NKAIN3: variants seen among roughly 807,000 people sequenced by gnomAD.
NKAIN3 encodes the protein sodium/potassium transporting ATPase interacting 3, also known as sodium/potassium-transporting ATPase subunit beta-1-interacting protein 3.
NKAIN3 carries 25 observed loss-of-function variants against 30.2 expected under a neutral mutation model. The ratio of observed to expected loss-of-function variants is 0.83; its 90% CI spans 0.60 to 1.16. The LOEUF is 1.16. Among genes scored for constraint, NKAIN3 ranks in the 50% most tolerant of loss-of-function variants. The pLI, the probability that NKAIN3 is intolerant of heterozygous loss-of-function variation, is 0.00. For synonymous variants in NKAIN3, 91 were observed against 89.6 expected (o/e 1.02, Z -0.09); for missense variants, 225 against 254.1 (o/e 0.89, Z 0.78).
chr8:62,305,660 C>G (rs1814209385), intron 1 of NKAIN3, among the ~76,000 whole-genome samples: 1 of 150,508 alleles, frequency 6.6e-6, no homozygotes. Flanking sequence ...CTTTGGAGGT[C>G]TAAACACCAT....
At position 62,952,690 on chromosome 8, in the gene NKAIN3, CA is replaced by C. The variant is rs1296228005; in HGVS notation, c.533-1205del. On this transcript the variant is annotated intron_variant, in intron 5 of 6. Coordinates refer to ENST00000623646, the MANE Select transcript of NKAIN3 (RefSeq NM_001304533.3). ...ATTATTCAACAAACCAAAGCACCTC[CA>C]AAAAAACTTTCAAAACTCTTCATAA... Among the ~76,000 whole-genome samples the C allele has an allele frequency of 7.9e-5, 12 of 152,158 alleles. No homozygotes were observed. The South Asian group carries it at 1.0e-3, about 13-fold the overall frequency.
At chr8:62,890,491 T>C (rs1821269061) in intron 4 of NKAIN3, among the ~76,000 whole-genome samples, 1 of 152,214 alleles carries the variant, frequency 6.6e-6, no homozygotes, top group Non-Finnish European at 1.5e-5. Flanking sequence ...CATGAAGTTA[T>C]TTTCTAATTT....
At chr8:62,729,023 C>CAAAAAAAAAAAAAAAAAAAAAAA (rs1491319730) in intron 3 of NKAIN3, among the ~76,000 whole-genome samples, 1 of 23,616 alleles carries the variant, frequency 4.2e-5, no homozygotes, top group Non-Finnish European at 8.2e-5. Flanking sequence ...AACAAACAAA[C>CAAAAAAAAAAAAAAAAAAAAAAA]CAAAAAAAAA....
chr8:62,517,222 C>T (rs145420073), intron 1 of NKAIN3, among the ~76,000 whole-genome samples: 154 of 151,968 alleles, frequency 1.0e-3, no homozygotes, highest in African/African-American at 3.3e-3. Flanking sequence ...ATGCTGTTGA[C>T]GCAAGTACTG....
intron 1 of NKAIN3, among the ~76,000 whole-genome samples, chr8:62,274,960 A>G (rs368656980): frequency 3.3e-5 from 5 of 151,628 alleles, no homozygotes; most frequent in East Asian, 1.9e-4. Flanking sequence ...ATTCCATGGT[A>G]TATATGTGCC....
intron 3 of NKAIN3, among the ~76,000 whole-genome samples, chr8:62,682,492 G>A (rs1239545726): frequency 1.3e-5 from 2 of 152,146 alleles, no homozygotes; most frequent in East Asian, 1.9e-4. Context: ...CGTGGGGGAG[G>A]GGTTGAATAC....
rs3058285 is a variant in NKAIN3, at chr8:62,342,235, C to CAAAAAAAAAAAAA, written c.54+93111_54+93123dup. 2.2e-3 allele frequency among the ~76,000 whole-genome samples: 280 copies of CAAAAAAAAAAAAA among 124,616 alleles called. 2 individuals are homozygous for CAAAAAAAAAAAAA. Among genetic ancestry groups the CAAAAAAAAAAAAA allele is most frequent in the African/African-American group, 8.8e-3 (275 of 31,112 alleles). The allele number at this position is 124,616 out of a possible 152,430, so 81.8% of individuals were successfully genotyped here. A position where few individuals can be genotyped will look rare whatever the true frequency, so the allele number is the denominator to read the frequency against. ...GAATTGCACCCCTCAACCACTGAAC[C>CAAAAAAAAAAAAA]AAAAAAAAAAAAAAAGAGATAGAAA... On this transcript the variant is annotated intron_variant, in intron 1 of 6. Coordinates refer to ENST00000623646, the MANE Select transcript of NKAIN3 (RefSeq NM_001304533.3).
chr8:62,803,328 A>G (rs906295138), intron 4 of NKAIN3, among the ~76,000 whole-genome samples: 5 of 152,094 alleles, frequency 3.3e-5, no homozygotes, highest in African/African-American at 1.2e-4. Context: ...TCAGCACCAC[A>G]CCACACCTAT....
At position 62,979,441 on chromosome 8, in the gene NKAIN3, A is replaced by G. The variant is rs1824025011; in HGVS notation, c.*14034A>G. ...TTATGTACACACACATCCACAATCA[A>G]ACTTCAACAGTCGAGTGTACCCTTT... On this transcript the variant is annotated 3_prime_UTR_variant, in exon 7 of 7. Transcript: ENST00000623646. 1 of 152,222 alleles carries G rather than the reference A, an allele frequency of 6.6e-6. No individual in the cohort carries two copies. Among genetic ancestry groups the G allele is most frequent in the Non-Finnish European group, 1.5e-5 (1 of 68,036 alleles). The allele number at this position is 152,222 out of a possible 1,614,324, so 9.4% of individuals were successfully genotyped here. A position where few individuals can be genotyped will look rare whatever the true frequency, so the allele number is the denominator to read the frequency against.
intron 4 of NKAIN3, chr8:62,855,723 C>T: frequency 6.5e-7 from 1 of 1,540,014 alleles, no homozygotes; most frequent in Non-Finnish European, 9.0e-7. Flanking sequence ...TGAACGATAG[C>T]CTTCATCTTG....
At chr8:62,398,964 G>C (rs185971481) in intron 1 of NKAIN3, among the ~76,000 whole-genome samples, 1 of 152,190 alleles carries the variant, frequency 6.6e-6, no homozygotes, top group African/African-American at 2.4e-5. Flanking sequence ...GGTGGCACAC[G>C]CCTGAAATTC....
chr8:62,475,728 C>T (rs1806497622), intron 1 of NKAIN3, among the ~76,000 whole-genome samples: 1 of 152,150 alleles, frequency 6.6e-6, no homozygotes, highest in Admixed American at 6.5e-5. Context: ...TCCAAAGGCA[C>T]ATGTTTATGA....
intron 4 of NKAIN3, among the ~76,000 whole-genome samples, chr8:62,801,820 C>T (rs1410888933): frequency 1.1e-4 from 17 of 152,018 alleles, no homozygotes; most frequent in East Asian, 3.9e-4. Flanking sequence ...CAAACTACTC[C>T]GAGTTACAGG....
rs1159562118 is a variant in NKAIN3, at chr8:62,788,385, GT to G, written c.471+41263del. Among the ~76,000 whole-genome samples the G allele has an allele frequency of 2.0e-4, 31 of 152,070 alleles. No homozygotes were observed. The East Asian group carries it at 4.9e-3, about 24-fold the overall frequency. On this transcript the variant is annotated intron_variant, in intron 4 of 6. Transcript: ENST00000623646. ...CCTTCGCCCACTTTTTGATGGGGTT[GT>G]TTTTTTCTTGTAAATTTGTTGGAGT...
At chr8:62,250,597 A>G (rs943418765) in intron 1 of NKAIN3, among the ~76,000 whole-genome samples, 5 of 152,246 alleles carry the variant, frequency 3.3e-5, no homozygotes, top group Non-Finnish European at 7.3e-5. Flanking sequence ...GATTATAGAT[A>G]GGCATGCTGG....
intron 4 of NKAIN3, among the ~76,000 whole-genome samples, chr8:62,800,719 C>T (rs1818028078): frequency 6.6e-6 from 1 of 152,202 alleles, no homozygotes; most frequent in South Asian, 2.1e-4. Context: ...GCATTTCCAT[C>T]TGAGGTACCG....
At chr8:62,650,148 A>G (rs529415656) in intron 3 of NKAIN3, among the ~76,000 whole-genome samples, 2 of 152,246 alleles carry the variant, frequency 1.3e-5, no homozygotes, top group East Asian at 3.9e-4. Flanking sequence ...ATTTATTATC[A>G]GTTCTGTGGG....
intron 4 of NKAIN3, among the ~76,000 whole-genome samples, chr8:62,914,777 C>CTTT (rs34474788): frequency 5.3e-4 from 59 of 112,162 alleles, no homozygotes; most frequent in Middle Eastern, 5.0e-3. Flanking sequence ...TTACTGTAAT[C>CTTT]TTTTTTTTTT....
chr8:62,641,305 CATAA>C (rs1207072017), intron 3 of NKAIN3, among the ~76,000 whole-genome samples: 2 of 152,062 alleles, frequency 1.3e-5, no homozygotes, highest in Admixed American at 6.6e-5. Flanking sequence ...GATTTTTGTT[CATAA>C]ATAAAGACAC....
Sources: allele counts gnomAD v4.1 joint callset (sites outside exome capture counted in the v4.1 genomes callset), GRCh38; gene constraint gnomAD v4.1.1; transcripts MANE v1.5; gene names NCBI Gene and HGNC (gene_info 2026-07-23, HGNC 2026-07-21).